Variants in MOXD1 observed in about 807,000 individuals in gnomAD.
MOXD1 encodes DBH-like monooxygenase protein 1.
Under a neutral mutation model 66.6 loss-of-function variants are expected in MOXD1, and 62 were observed. The observed-to-expected ratio is 0.93, with a 90% CI of 0.76 to 1.15. The LOEUF (loss-of-function observed/expected upper bound fraction) is 1.15, where lower values mean the gene tolerates loss of function less well. Among genes scored for constraint, MOXD1 ranks in the 50% most tolerant of loss-of-function variants. The probability of loss-of-function intolerance (pLI) is 0.00; values close to 1 mark genes in which losing one functional copy is unlikely to be tolerated. For synonymous variants in MOXD1, 303 were observed against 281.9 expected (o/e 1.07, Z -0.75); for missense variants, 847 against 754.6 (o/e 1.12, Z -1.44).
chr6:132,314,720 G>A (rs563054131), intron 10 of MOXD1, among the ~76,000 whole-genome samples: 2 of 151,972 alleles, frequency 1.3e-5, no homozygotes, highest in Admixed American at 1.3e-4. Context: ...AACCCAGAGA[G>A]GCTTTCTTTA....
chr6:132,332,903 T>G (rs1348797655), intron 4 of MOXD1, among the ~76,000 whole-genome samples: 3 of 152,200 alleles, frequency 2.0e-5, no homozygotes, highest in Non-Finnish European at 2.9e-5. Context: ...TCCATGCCCC[T>G]TCCTGCTTGT....
intron 9 of MOXD1, among the ~76,000 whole-genome samples, chr6:132,319,086 A>C (rs567770153): frequency 1.3e-5 from 2 of 151,898 alleles, no homozygotes; most frequent in African/African-American, 4.8e-5. Context: ...TATCTAGTAG[A>C]TTGTTTTCTA....
At chr6:132,371,867 A>G (rs1284121685) in intron 4 of MOXD1, among the ~76,000 whole-genome samples, 2 of 152,206 alleles carry the variant, frequency 1.3e-5, no homozygotes, top group African/African-American at 4.8e-5. Flanking sequence ...TGTATGCACT[A>G]TTTAATTCTA....
At position 132,401,472 on chromosome 6, in the gene MOXD1, G is replaced by A; in HGVS notation, c.-46C>T. The A allele has an allele frequency of 1.4e-6, 2 of 1,434,732 alleles. No homozygotes were observed. The highest frequency in any genetic ancestry group is 1.8e-6 in the Non-Finnish European group (2 of 1,101,260). 88.9% of individuals were successfully genotyped at this position (1,434,732 alleles called of 1,614,324 possible). On this transcript the variant is annotated 5_prime_UTR_variant, in exon 1 of 12. Transcript: ENST00000367963. ...CCGGTACCGGCCTCCAGCCGCTGGG[G>A]AGTGAGGAGCAGAACGAGGAGCGGC... is the stretch of plus-strand genomic sequence containing the variant.
intron 4 of MOXD1, among the ~76,000 whole-genome samples, chr6:132,346,303 AC>A (rs1172491376): frequency 1.3e-5 from 2 of 152,234 alleles, no homozygotes; most frequent in African/African-American, 4.8e-5. Flanking sequence ...AACTTCTAGT[AC>A]CTGTGTTTAT....
chr6:132,345,513 A>T (rs538510825), intron 4 of MOXD1, among the ~76,000 whole-genome samples: 2 of 152,284 alleles, frequency 1.3e-5, no homozygotes, highest in East Asian at 3.9e-4. Context: ...TAGTTCTCAT[A>T]ATCTCCATCC....
intron 9 of MOXD1, among the ~76,000 whole-genome samples, chr6:132,317,936 A>G (rs1774993958): frequency 6.6e-6 from 1 of 152,114 alleles, no homozygotes; most frequent in Non-Finnish European, 1.5e-5. Context: ...AACTTTACAT[A>G]CATAATATCA....
At chr6:132,306,879 GA>G (rs1184890224) in intron 10 of MOXD1, among the ~76,000 whole-genome samples, 1 of 152,148 alleles carries the variant, frequency 6.6e-6, no homozygotes, top group Non-Finnish European at 1.5e-5. Context: ...ATATGGAAAG[GA>G]AAAACTCGTA....
In MOXD1 at chr6:132,349,406, C is replaced by CATATAT. The variant is rs539329852; in HGVS notation, c.664-20818_664-20813dup. ...GTATATATATATACACATATATATA[C>CATATAT]ATATATATATATATACATATATATA... On this transcript the variant is annotated intron_variant, in intron 4 of 11. Transcript: ENST00000367963. Among the ~76,000 whole-genome samples, 32 of 72,022 alleles carry CATATAT rather than the reference C, an allele frequency of 4.4e-4. No individual in the cohort carries two copies. The East Asian group carries it at 6.6e-3, about 15-fold the overall frequency. 47.2% of individuals were successfully genotyped at this position (72,022 alleles called of 152,430 possible). A position where few individuals can be genotyped will look rare whatever the true frequency, so the allele number is the denominator to read the frequency against.
chr6:132,301,895 G>A (rs1264925245), intron 10 of MOXD1, among the ~76,000 whole-genome samples: 3 of 152,154 alleles, frequency 2.0e-5, no homozygotes, highest in Non-Finnish European at 4.4e-5. Context: ...TGAATATTAT[G>A]TTCATCCCAG....
At chr6:132,343,477 A>C (rs1455707133) in intron 4 of MOXD1, among the ~76,000 whole-genome samples, 1 of 152,132 alleles carries the variant, frequency 6.6e-6, no homozygotes, top group African/African-American at 2.4e-5. Context: ...CAGGAGGCTG[A>C]GGCAGGAGAG....
Position 132,359,572 on chromosome 6 carries a change from C to T in MOXD1, c.663+13036G>A, listed in dbSNP as rs537003931. ...CGCGATCTCGGCTCACTGCAAGCTC[C>T]GCCTCCCGGGTTCACACCATTCTCC... On this transcript the variant is annotated intron_variant, in intron 4 of 11. Transcript: ENST00000367963. 2.0e-3 allele frequency among the ~76,000 whole-genome samples: 300 copies of T among 151,196 alleles called. 2 individuals carry two copies. Among genetic ancestry groups the T allele is most frequent in the African/African-American group, 7.0e-3 (287 of 41,182 alleles).
At position 132,320,654 on chromosome 6, in the gene MOXD1, G is replaced by T; in HGVS notation, c.1340C>A (p.Thr447Lys). The T allele has an allele frequency of 6.2e-7, 1 of 1,609,840 alleles. No individual in the cohort carries two copies. The highest frequency in any genetic ancestry group is 1.1e-5 in the South Asian group (1 of 90,254). Residue 447 changes from threonine (T) to lysine (K), a missense_variant, in exon 9 of 12, where the codon ACG becomes AAG. Coordinates refer to ENST00000367963, the MANE Select transcript of MOXD1 (RefSeq NM_015529.4). ...CCAAGTCATCTCAGCTCTATCTTTC[G>T]TGTTGTAGCGACACTCAGTAATTAG... is the stretch of plus-strand genomic sequence containing the variant. Reference protein sequence around the residue: ...DNLITECRYNTKDRAEMTWGG... With the variant: ...DNLITECRYNKKDRAEMTWGG...
At chr6:132,351,022 A>G (rs909183949) in intron 4 of MOXD1, among the ~76,000 whole-genome samples, 3 of 152,152 alleles carry the variant, frequency 2.0e-5, no homozygotes, top group Non-Finnish European at 4.4e-5. Context: ...AAATTCTTCT[A>G]TCAGTTCTAG....
At chr6:132,361,454 A>G (rs1776017368) in intron 4 of MOXD1, among the ~76,000 whole-genome samples, 1 of 152,176 alleles carries the variant, frequency 6.6e-6, no homozygotes, top group East Asian at 1.9e-4. Flanking sequence ...ACCCTTTACA[A>G]TATTTGTTGA....
intron 4 of MOXD1, among the ~76,000 whole-genome samples, chr6:132,363,624 C>A (rs1460493679): frequency 1.7e-4 from 26 of 152,092 alleles, no homozygotes; most frequent in Admixed American, 1.7e-3. Flanking sequence ...TCTACTTCAC[C>A]TAATTTGTGT....
Position 132,359,547 on chromosome 6 carries a change from C to T in MOXD1, c.663+13061G>A, listed in dbSNP as rs560771233. On this transcript the variant is annotated intron_variant, in intron 4 of 11. Transcript: ENST00000367963. ...TGTCGCCCAGGCTGGAGTGCAGTGGCGCGATCTCGGCTCACTGCAAGCTCC... is the reference window on the plus strand; with the variant it reads ...TGTCGCCCAGGCTGGAGTGCAGTGGTGCGATCTCGGCTCACTGCAAGCTCC... Among the ~76,000 whole-genome samples, 241 of 140,828 alleles carry T rather than the reference C, an allele frequency of 1.7e-3. 2 individuals carry two copies. The highest frequency in any genetic ancestry group is 6.3e-3 in the African/African-American group (233 of 36,798). 92.4% of individuals were successfully genotyped at this position (140,828 alleles called of 152,430 possible).
chr6:132,316,282 T>G (rs1774953721), intron 9 of MOXD1, among the ~76,000 whole-genome samples: 1 of 152,090 alleles, frequency 6.6e-6, no homozygotes, highest in South Asian at 2.1e-4. Flanking sequence ...CTACAACATA[T>G]TATCTAATAT....
rs545665825 is a variant in MOXD1 at position 132,376,553 on chromosome 6, G to T, written c.265-1776C>A. On this transcript the variant is annotated intron_variant, in intron 1 of 11. Coordinates refer to ENST00000367963, the MANE Select transcript of MOXD1 (RefSeq NM_015529.4). ...TTTTGAGACGGAGTCTCGCTCTGTC[G>T]CCCAGGCTGGAGTGCAGTGGCGGGA... 2.9e-4 allele frequency among the ~76,000 whole-genome samples: 14 copies of T among 48,262 alleles called. 6 individuals are homozygous for T. In the African/African-American group the frequency reaches 0.013, roughly 44 times the overall value. 31.7% of individuals were successfully genotyped at this position (48,262 alleles called of 152,430 possible).
Sources: allele counts gnomAD v4.1 joint callset (sites outside exome capture counted in the v4.1 genomes callset), GRCh38; gene constraint gnomAD v4.1.1; transcripts MANE v1.5; gene names NCBI Gene and HGNC (gene_info 2026-07-23, HGNC 2026-07-21).